ANKS1B: variants seen among roughly 807,000 people sequenced by gnomAD.
ANKS1B encodes the protein ankyrin repeat and sterile alpha motif domain-containing protein 1B.
ANKS1B carries 36 observed loss-of-function variants against 148.3 expected under a neutral mutation model. That is an observed-to-expected ratio of 0.24 (90% CI 0.19 to 0.32). The LOEUF (loss-of-function observed/expected upper bound fraction) is 0.32, where lower values mean the gene tolerates loss of function less well. Ranked by LOEUF, ANKS1B falls within the 10% of genes least tolerant of loss-of-function variation. The pLI is 1.00. For missense variants in ANKS1B, 1,157 were observed against 1,542.6 expected, an observed-to-expected ratio of 0.75 and a Z score of 4.19; for synonymous variants, 542 against 560.8, an observed-to-expected ratio of 0.97 and a Z score of 0.47.
chr12:98,883,055 C>T (rs2099717107), intron 17 of ANKS1B, among the ~76,000 whole-genome samples: 1 of 152,136 alleles, frequency 6.6e-6, no homozygotes, highest in African/African-American at 2.4e-5. Context: ...ATCTTCTGTA[C>T]TGAGTCTATT....
intron 10 of ANKS1B, among the ~76,000 whole-genome samples, chr12:99,496,331 A>G (rs1292277549): frequency 2.0e-5 from 3 of 152,230 alleles, no homozygotes; most frequent in African/African-American, 7.2e-5. Flanking sequence ...TTTTACTGCC[A>G]TTACAGCCAT....
chr12:99,107,657 C>T (rs900809942), intron 15 of ANKS1B, among the ~76,000 whole-genome samples: 1 of 152,140 alleles, frequency 6.6e-6, no homozygotes, highest in African/African-American at 2.4e-5. Context: ...CCGAGCTATC[C>T]AGAAATCGCC....
intron 25 of ANKS1B, among the ~76,000 whole-genome samples, chr12:98,757,580 GA>G (rs762076011): frequency 1.3e-5 from 2 of 152,132 alleles, no homozygotes; most frequent in Non-Finnish European, 2.9e-5. Context: ...TGGCTGTGGG[GA>G]AGCTCACTGA....
Position 99,655,202 on chromosome 12 carries a change from T to C in ANKS1B, c.1137A>G (p.Ser379=). 1.9e-6 allele frequency: 3 copies of C among 1,605,952 alleles called. No homozygotes were observed. The highest frequency in any genetic ancestry group is 1.3e-5 in the African/African-American group (1 of 74,786). Residue 379 remains serine, a synonymous_variant, in exon 9 of 27, where the codon TCA becomes TCG. Coordinates refer to ENST00000683438, the MANE Select transcript of ANKS1B (RefSeq NM_001352186.2). ...CTCCTGGTGACAAATTGATTGTAGATGAGGTTCTCTGAAATTAAATTTATA... is the reference window on the plus strand; with the variant it reads ...CTCCTGGTGACAAATTGATTGTAGACGAGGTTCTCTGAAATTAAATTTATA... The part of the protein sequence containing the change: ...GKNGSQSVRT[S]STINLSPGEV...
At chr12:99,321,176 T>C (rs944012263) in intron 12 of ANKS1B, among the ~76,000 whole-genome samples, 22 of 152,240 alleles carry the variant, frequency 1.4e-4, no homozygotes, top group Admixed American at 3.3e-4. Flanking sequence ...GGAGGCAGTC[T>C]GTCCTTTCTC....
intron 19 of ANKS1B, among the ~76,000 whole-genome samples, chr12:98,810,370 T>C (rs2099085261): frequency 6.6e-6 from 1 of 152,026 alleles, no homozygotes; most frequent in South Asian, 2.1e-4. Context: ...TCAATACACA[T>C]GTGTCAGGAC....
At chr12:99,837,400 T>C (rs902147243) in intron 1 of ANKS1B, among the ~76,000 whole-genome samples, 3 of 152,138 alleles carry the variant, frequency 2.0e-5, no homozygotes, top group African/African-American at 7.2e-5. Flanking sequence ...GGTGTGCTTA[T>C]TGTAATTAAC....
intron 9 of ANKS1B, among the ~76,000 whole-genome samples, chr12:99,596,132 G>A (rs1222020283): frequency 2.0e-5 from 3 of 151,512 alleles, no homozygotes; most frequent in Admixed American, 2.0e-4. Flanking sequence ...TTCTAGCACT[G>A]CCACAACAAA....
intron 18 of ANKS1B, 114 bp downstream of exon 18, chr12:98,831,915 A>C: frequency 1.0e-6 from 1 of 973,124 alleles, no homozygotes; most frequent in East Asian, 2.7e-5. Flanking sequence ...ACACCTGGCT[A>C]AATTTTTTCT....
At chr12:98,858,325 T>C (rs1273082009) in intron 17 of ANKS1B, among the ~76,000 whole-genome samples, 1 of 152,228 alleles carries the variant, frequency 6.6e-6, no homozygotes, top group African/African-American at 2.4e-5. Flanking sequence ...GTCAGATGAA[T>C]GTAAGAGAGG....
chr12:99,741,087 A>AATC (rs2060054716), intron 8 of ANKS1B, among the ~76,000 whole-genome samples: 1 of 152,020 alleles, frequency 6.6e-6, no homozygotes, highest in South Asian at 2.1e-4. Context: ...GCGTACATGT[A>AATC]ATCCCAGCTA....
Position 99,026,060 on chromosome 12 carries a change from G to C in ANKS1B, c.2778+27097C>G, listed in dbSNP as rs148303282. Among the ~76,000 whole-genome samples the C allele has an allele frequency of 3.1e-3, 465 of 152,280 alleles. 2 individuals are homozygous for C. The highest frequency in any genetic ancestry group is 0.011 in the African/African-American group (453 of 41,560). ...GAGAATGTAATTCCAGTTTAGCTAGGTTGACATAGTATAAAACCATATTAC... is the reference window on the plus strand; with the variant it reads ...GAGAATGTAATTCCAGTTTAGCTAGCTTGACATAGTATAAAACCATATTAC... On this transcript the variant is annotated intron_variant, in intron 17 of 26. Coordinates refer to ENST00000683438, the MANE Select transcript of ANKS1B (RefSeq NM_001352186.2).
rs567096041 is a variant in ANKS1B, at chr12:99,848,570, T to C, written c.135-23181A>G. ...ACCCAGAAACAGACCCTAATCTATA[T>C]AGTCCCTTGATTTATGACAAGGATG... is the stretch of plus-strand genomic sequence containing the variant. On this transcript the variant is annotated intron_variant, in intron 1 of 26. Coordinates refer to ENST00000683438, the MANE Select transcript of ANKS1B (RefSeq NM_001352186.2). Among the ~76,000 whole-genome samples the C allele has an allele frequency of 3.3e-5, 5 of 152,294 alleles. No homozygotes were observed. The South Asian group carries it at 6.2e-4, about 19-fold the overall frequency.
chr12:99,943,633 TACTC>T (rs896462178), intron 1 of ANKS1B, among the ~76,000 whole-genome samples: 4 of 152,138 alleles, frequency 2.6e-5, no homozygotes, highest in South Asian at 4.2e-4. Flanking sequence ...TCGTGAGACT[TACTC>T]ACTATCATGA....
chr12:98,740,059 G>A (rs2097790453), downstream of ANKS1B, among the ~76,000 whole-genome samples: 1 of 152,170 alleles, frequency 6.6e-6, no homozygotes, highest in Admixed American at 6.5e-5. Context: ...CCATCAAGTG[G>A]TAAAGAAGAC....
At chr12:99,333,763 C>G (rs920108870) in intron 12 of ANKS1B, among the ~76,000 whole-genome samples, 1 of 151,688 alleles carries the variant, frequency 6.6e-6, no homozygotes, top group East Asian at 1.9e-4. Flanking sequence ...CCATCTCCAG[C>G]CCCTTTTCTA....
Position 99,313,228 on chromosome 12 carries a change from G to A in ANKS1B, c.1757-66364C>T, listed in dbSNP as rs370349959. On this transcript the variant is annotated intron_variant, in intron 12 of 26. Coordinates refer to ENST00000683438, the MANE Select transcript of ANKS1B (RefSeq NM_001352186.2). ...TCCTCCCAGAAACCAGGATGATATC[G>A]TATCCCTGAATAGACCAATAACAGT... Among the ~76,000 whole-genome samples the A allele has an allele frequency of 5.3e-5, 8 of 152,192 alleles. No homozygotes were observed. The East Asian group carries it at 5.8e-4, about 11-fold the overall frequency.
At chr12:99,698,724 T>C (rs905840069) in intron 8 of ANKS1B, among the ~76,000 whole-genome samples, 1 of 152,220 alleles carries the variant, frequency 6.6e-6, no homozygotes, top group Admixed American at 6.5e-5. Flanking sequence ...GTTTCATTCT[T>C]GGAAAATTTC....
intron 8 of ANKS1B, among the ~76,000 whole-genome samples, chr12:99,710,159 C>G (rs2056427004): frequency 6.6e-6 from 1 of 152,128 alleles, no homozygotes; most frequent in Non-Finnish European, 1.5e-5. Context: ...CAACAGGAAT[C>G]TGAGTCATTG....
Sources: gnomAD v4.1 joint callset for allele counts (sites outside exome capture counted in the v4.1 genomes callset) on GRCh38, gnomAD v4.1.1 for gene constraint, MANE v1.5 for transcripts, NCBI Gene and HGNC (gene_info 2026-07-23, HGNC 2026-07-21) for gene names.